Variants in NOVA2 observed in about 807,000 individuals in gnomAD.
The protein encoded by NOVA2 is NOVA alternative splicing regulator 2.
In NOVA2, 9 loss-of-function variants were observed where a neutral mutation model predicts 22.5. That is an observed-to-expected ratio of 0.40 (90% confidence interval 0.24 to 0.70). NOVA2 has a LOEUF of 0.70. Ranked by LOEUF, NOVA2 falls within the 30% of genes least tolerant of loss-of-function variation. NOVA2 has a pLI of 0.38. For missense variants in NOVA2, 383 were observed against 682.8 expected (o/e 0.56, Z 4.89); for synonymous variants, 318 against 335.2 (o/e 0.95, Z 0.56).
Position 45,973,669 on chromosome 19 carries a change from C to T in NOVA2, c.-318G>A, listed in dbSNP as rs1968266662. 4.2e-5 allele frequency: 3 copies of T among 72,050 alleles called. No individual in the cohort carries two copies. Among genetic ancestry groups the T allele is most frequent in the Admixed American group, 1.5e-4 (1 of 6,738 alleles). 4.5% of individuals were successfully genotyped at this position (72,050 alleles called of 1,614,324 possible). A position where few individuals can be genotyped will look rare whatever the true frequency, so the allele number is the denominator to read the frequency against. ...AGGGAAGGCGGGGGTAGGGGGGAGCCGGTTCTCGGGGGGCTGACAGAGCCT... is the reference window on the plus strand; with the variant it reads ...AGGGAAGGCGGGGGTAGGGGGGAGCTGGTTCTCGGGGGGCTGACAGAGCCT... On this transcript the variant is annotated 5_prime_UTR_variant, in exon 1 of 4. Transcript: ENST00000263257.
intron 3 of NOVA2, among the ~76,000 whole-genome samples, chr19:45,945,471 G>T (rs1698132475): frequency 6.6e-6 from 1 of 151,958 alleles, no homozygotes; most frequent in African/African-American, 2.4e-5. Context: ...ATAGGGTCTT[G>T]CTCTGATACC....
chr19:45,951,800 C>T (rs903501503), intron 3 of NOVA2, among the ~76,000 whole-genome samples: 2 of 151,660 alleles, frequency 1.3e-5, no homozygotes, highest in Non-Finnish European at 2.9e-5. Context: ...CTGCCTCAGA[C>T]TAATATATAT....
intron 1 of NOVA2, among the ~76,000 whole-genome samples, chr19:45,970,364 C>G (rs1833142565): frequency 7.4e-6 from 1 of 134,480 alleles, no homozygotes; most frequent in Non-Finnish European, 1.6e-5. Context: ...TAGTATTATC[C>G]TTGTGTTTTT....
chr19:45,945,823 A>C lies in NOVA2; in HGVS notation c.397-4878T>G, dbSNP rs1243207443. On this transcript the variant is annotated intron_variant, in intron 3 of 3. Coordinates refer to ENST00000263257, the MANE Select transcript of NOVA2 (RefSeq NM_002516.4). ...ATTCCCTGTTGGTCTCCCTGACTTT[A>C]TTATTATTATTATTATTTTTTTTTT... Among the ~76,000 whole-genome samples the C allele has an allele frequency of 2.7e-5, 4 of 148,532 alleles. No individual in the cohort carries two copies. In the South Asian group the frequency reaches 8.5e-4, roughly 31 times the overall value.
chr19:45,958,408 G>C (rs538207445), intron 2 of NOVA2, among the ~76,000 whole-genome samples: 3 of 151,074 alleles, frequency 2.0e-5, no homozygotes, highest in South Asian at 2.1e-4. Flanking sequence ...TGTGTGAGTG[G>C]GGTGTGTGTG....
chr19:45,954,602 A>AG (rs1297699964), intron 2 of NOVA2, among the ~76,000 whole-genome samples: 1 of 151,678 alleles, frequency 6.6e-6, no homozygotes, highest in African/African-American at 2.4e-5. Context: ...GGGTGTGGAC[A>AG]GGGGAGAGCA....
rs895449072 is a variant in NOVA2, at chr19:45,939,759, G to A, written c.*104C>T. On this transcript the variant is annotated 3_prime_UTR_variant, in exon 4 of 4. Coordinates refer to ENST00000263257, the MANE Select transcript of NOVA2 (RefSeq NM_002516.4). ...GGCCTACCCCAGCCCCATCCCAAGA[G>A]GAGCAGGACTACACCAAGCTGAGGT... The A allele has an allele frequency of 3.3e-5, 47 of 1,444,942 alleles. No individual in the cohort carries two copies. The highest frequency in any genetic ancestry group is 6.3e-5 in the Admixed American group (3 of 47,840). 89.5% of individuals were successfully genotyped at this position (1,444,942 alleles called of 1,614,324 possible).
chr19:45,973,362 T>G lies in NOVA2; in HGVS notation c.-11A>C. ...GGCCTCGGGCTCCATGGGGGGGGCCTGGGGCGGCGGCTGCTGCTGCTGCGG... is the reference window on the plus strand; with the variant it reads ...GGCCTCGGGCTCCATGGGGGGGGCCGGGGGCGGCGGCTGCTGCTGCTGCGG... On this transcript the variant is annotated 5_prime_UTR_variant, in exon 1 of 4. Transcript: ENST00000263257. 3 of 972,442 alleles carry G rather than the reference T, an allele frequency of 3.1e-6. No homozygotes were observed. Among genetic ancestry groups the G allele is most frequent in the East Asian group, 3.6e-5 (1 of 27,482 alleles). The allele number at this position is 972,442 out of a possible 1,614,324, so 60.2% of individuals were successfully genotyped here.
At chr19:45,955,896 T>C (rs1288274453) in intron 2 of NOVA2, among the ~76,000 whole-genome samples, 2 of 152,006 alleles carry the variant, frequency 1.3e-5, no homozygotes, top group African/African-American at 4.8e-5. Context: ...AAAAAGTGTC[T>C]TGAGTGTGCA....
chr19:45,968,234 C>A (rs1291269973), intron 1 of NOVA2, among the ~76,000 whole-genome samples: 2 of 151,742 alleles, frequency 1.3e-5, no homozygotes, highest in African/African-American at 4.8e-5. Context: ...GAAGGGAGAG[C>A]TGGCATGTTC....
chr19:45,954,841 C>T (rs972006631), intron 2 of NOVA2, among the ~76,000 whole-genome samples: 5 of 142,932 alleles, frequency 3.5e-5, no homozygotes, highest in Admixed American at 7.2e-5. Context: ...TGTGTGTCTG[C>T]GAGGCTGGTG....
chr19:45,958,506 TA>T (rs1291814393), intron 2 of NOVA2, among the ~76,000 whole-genome samples: 2 of 149,496 alleles, frequency 1.3e-5, no homozygotes, highest in Admixed American at 1.3e-4. Flanking sequence ...TGAGTGTGTG[TA>T]AGCATGTGTG....
chr19:45,953,476 G>A (rs1967957411), intron 3 of NOVA2, among the ~76,000 whole-genome samples: 1 of 152,166 alleles, frequency 6.6e-6, no homozygotes, highest in Admixed American at 6.5e-5. Flanking sequence ...GGATGAGGTG[G>A]AAGAGAGAAG....
rs1000348891 is a variant in NOVA2 at position 45,939,795 on chromosome 19, G to C, written c.*68C>G. 70 of 1,584,220 alleles carry C rather than the reference G, an allele frequency of 4.4e-5. No individual in the cohort carries two copies. The highest frequency in any genetic ancestry group is 2.6e-4 in the South Asian group (23 of 88,726). ...ACACCAAGCTGAGGTCAGGAGTTGG[G>C]GGGGAGGAGGAGAGGGAAGAGGAGG... On this transcript the variant is annotated 3_prime_UTR_variant, in exon 4 of 4. Coordinates refer to ENST00000263257, the MANE Select transcript of NOVA2 (RefSeq NM_002516.4).
chr19:45,940,500 G>A lies in NOVA2; in HGVS notation c.842C>T (p.Thr281Met), dbSNP rs1361028115. 3 of 1,523,048 alleles carry A rather than the reference G, an allele frequency of 2.0e-6. No homozygotes were observed. Among genetic ancestry groups the A allele is most frequent in the Non-Finnish European group, 2.6e-6 (3 of 1,136,002 alleles). The allele number at this position is 1,523,048 out of a possible 1,614,324, so 94.3% of individuals were successfully genotyped here. Residue 281 changes from threonine (T) to methionine (M), a missense_variant, in exon 4 of 4, where the codon ACG (threonine) becomes ATG (methionine). Physicochemically the swap from Thr to Met is moderately conservative, Grantham distance 81. Coordinates refer to ENST00000263257, the MANE Select transcript of NOVA2 (RefSeq NM_002516.4). The part of the protein sequence containing the change: ...FSGTDLLAIS[T>M]ALNTLASYGY... The stretch of plus-strand genomic sequence containing the variant: ...GTAACTTGCCAGCGTGTTAAGCGCC[G>A]TGCTGATGGCCAGCAGGTCGGTGCC...
chr19:45,967,115 C>A (rs919198239), intron 1 of NOVA2, among the ~76,000 whole-genome samples: 1 of 152,080 alleles, frequency 6.6e-6, no homozygotes, highest in African/African-American at 2.4e-5. Context: ...CTCCTATGAA[C>A]AGTGATTGGC....
At chr19:45,964,781 G>A (rs1014924218) in intron 1 of NOVA2, among the ~76,000 whole-genome samples, 18 of 151,962 alleles carry the variant, frequency 1.2e-4, no homozygotes, top group African/African-American at 4.1e-4. Context: ...GGCTGGTCTC[G>A]AACTCCTGAG....
At position 45,934,997 on chromosome 19, in the gene NOVA2, CAA is replaced by C. The variant is rs956947059; in HGVS notation, c.*4864_*4865del. The C allele has an allele frequency of 6.6e-6, 1 of 151,736 alleles. No individual in the cohort carries two copies. The highest frequency in any genetic ancestry group is 2.4e-5 in the African/African-American group (1 of 41,238). The allele number at this position is 151,736 out of a possible 1,614,324, so 9.4% of individuals were successfully genotyped here. Reference sequence around the variant, plus strand: ...TGGGATGAACACAGAAAGGGTTAATCAAAAAGAGTTCGATGAGCGAGTCTGAC... The same window carrying C: ...TGGGATGAACACAGAAAGGGTTAATCAAAGAGTTCGATGAGCGAGTCTGAC... On this transcript the variant is annotated 3_prime_UTR_variant, in exon 4 of 4. Transcript: ENST00000263257.
chr19:45,968,316 G>C (rs1600621355), intron 1 of NOVA2, among the ~76,000 whole-genome samples: 1 of 152,056 alleles, frequency 6.6e-6, no homozygotes, highest in Non-Finnish European at 1.5e-5. Context: ...GCTGCTGGCA[G>C]AGAGGGTGTG....
Sources: gnomAD v4.1 joint callset for allele counts (sites outside exome capture counted in the v4.1 genomes callset) on GRCh38, gnomAD v4.1.1 for gene constraint, MANE v1.5 for transcripts, NCBI Gene and HGNC (gene_info 2026-07-23, HGNC 2026-07-21) for gene names.